The following PAQR3 variants were observed in gnomAD, a reference collection of about 807,000 sequenced individuals.
PAQR3 encodes progestin and adipoQ receptor family member 3.
PAQR3 carries 39 observed loss-of-function variants against 41.7 expected under a neutral mutation model. The observed-to-expected ratio is 0.93, with a 90% CI of 0.72 to 1.22. The LOEUF (loss-of-function observed/expected upper bound fraction) is 1.22, where lower values mean the gene tolerates loss of function less well. PAQR3 is among the 50% of genes most tolerant of loss of function. PAQR3 has a pLI of 0.00. For synonymous variants in PAQR3, 140 were observed against 140.6 expected (o/e 1.00, Z 0.03); for missense variants, 366 against 385.6 (o/e 0.95, Z 0.42).
chr4:78,908,851 A>G (rs892340161), downstream of PAQR3, among the ~76,000 whole-genome samples: 1 of 152,118 alleles, frequency 6.6e-6, no homozygotes, highest in Admixed American at 6.5e-5. Flanking sequence ...TAATAATCAC[A>G]TCAGGGTAAA....
At position 78,919,890 on chromosome 4, in the gene PAQR3, A is replaced by T; in HGVS notation, c.*649T>A. 1 of 985,386 alleles carries T rather than the reference A, an allele frequency of 1.0e-6. No homozygotes were observed. The highest frequency in any genetic ancestry group is 1.2e-6 in the Non-Finnish European group (1 of 829,644). 61.0% of individuals were successfully genotyped at this position (985,386 alleles called of 1,614,324 possible). The stretch of plus-strand genomic sequence containing the variant: ...TGATTCTTATCTGATAGAAAATGAG[A>T]AGTTCTTTTCCTCTTCTCAACCCTT... On this transcript the variant is annotated 3_prime_UTR_variant, in exon 6 of 6. Coordinates refer to ENST00000512733, the MANE Select transcript of PAQR3 (RefSeq NM_001040202.2).
At position 78,916,638 on chromosome 4, in the gene PAQR3, G is replaced by C. The variant is rs1412909991; in HGVS notation, c.*3901C>G. ...GTGAGTCATAATTACTGATACTCGA[G>C]TGATGACAGTAAGGCAAAAACAATA... On this transcript the variant is annotated 3_prime_UTR_variant, in exon 6 of 6. Coordinates refer to ENST00000512733, the MANE Select transcript of PAQR3 (RefSeq NM_001040202.2). 1 of 152,024 alleles carries C rather than the reference G, an allele frequency of 6.6e-6. No individual in the cohort carries two copies. Among genetic ancestry groups the C allele is most frequent in the East Asian group, 1.9e-4 (1 of 5,186 alleles). The allele number at this position is 152,024 out of a possible 1,614,324, so 9.4% of individuals were successfully genotyped here.
At chr4:78,903,671 A>G (rs1463675800) in intron 11 of PAQR3, among the ~76,000 whole-genome samples, 2 of 151,976 alleles carry the variant, frequency 1.3e-5, no homozygotes, top group Non-Finnish European at 2.9e-5. Flanking sequence ...TAGTGTTTCT[A>G]GAACTTAACC....
At position 78,923,868 on chromosome 4, in the gene PAQR3, C is replaced by A; in HGVS notation, c.782G>T (p.Arg261Leu). 1 of 1,610,162 alleles carries A rather than the reference C, an allele frequency of 6.2e-7. No homozygotes were observed. Among genetic ancestry groups the A allele is most frequent in the Non-Finnish European group, 8.5e-7 (1 of 1,176,660 alleles). ...FLFYISKVPE[R>L]YFPGQLNYLG... is the part of the protein sequence containing the mutation. ...AAAGAGATACCTACCTGGAAAGTAC[C>A]GCTCTGGGACTTTGGAAATGTAGAA... The change falls in exon 5 of 6, where the codon CGG (arginine) becomes CTG (leucine). Residue 261 changes from arginine to leucine, a missense_variant. Transcript: ENST00000512733.
Position 78,939,185 on chromosome 4 carries a change from G to C in PAQR3, c.40C>G (p.Leu14Val), listed in dbSNP as rs1737771540. 5.0e-6 allele frequency: 8 copies of C among 1,609,978 alleles called. No individual in the cohort carries two copies. Among genetic ancestry groups the C allele is most frequent in the Non-Finnish European group, 5.9e-6 (7 of 1,178,288 alleles). Residue 14 changes from leucine (L) to valine (V), a missense_variant, in exon 1 of 6, where the codon CTG (leucine) becomes GTG (valine). Coordinates refer to ENST00000512733, the MANE Select transcript of PAQR3 (RefSeq NM_001040202.2). The stretch of plus-strand genomic sequence containing the variant: ...ACCGGCCAGTACTGGTAGCTGCCCA[G>C]CTCGATGTAATGCGCGCTCTTCAGC... ...KLLKSAHYIELGSYQYWPVLV... is the reference protein window; with the variant it reads ...KLLKSAHYIEVGSYQYWPVLV...
downstream of PAQR3, among the ~76,000 whole-genome samples, chr4:78,907,163 T>A (rs1040569113): frequency 1.3e-5 from 2 of 152,162 alleles, no homozygotes; most frequent in African/African-American, 4.8e-5. Context: ...GAATAAATAA[T>A]AGACTGTTGA....
chr4:78,923,245 G>T (rs566993139), intron 5 of PAQR3, among the ~76,000 whole-genome samples: 185 of 152,104 alleles, frequency 1.2e-3, no homozygotes, highest in Non-Finnish European at 1.5e-3. Context: ...GAAGCCTAAA[G>T]CCAGCTTTGT....
intron 5 of PAQR3, chr4:78,923,113 A>G (rs879470513): frequency 2.9e-6 from 1 of 346,062 alleles, no homozygotes; most frequent in South Asian, 2.1e-5. Flanking sequence ...ACCATTATCT[A>G]TTTTATAGAC....
chr4:78,911,811 G>C, downstream of PAQR3: 1 of 1,613,970 alleles, frequency 6.2e-7, no homozygotes, highest in Non-Finnish European at 8.5e-7. Context: ...ATCAGGGCCT[G>C]AGCGACATCC....
rs1734823641 is a variant in PAQR3 at position 78,913,889 on chromosome 4, T to TA, written c.*6649dup. On this transcript the variant is annotated 3_prime_UTR_variant, in exon 6 of 6. Transcript: ENST00000512733. ...TACTTGTCCTCGTGCCAAAGGCAAA[T>TA]ATGTTTGCACCTTTTTTTTTTTTTC... The TA allele has an allele frequency of 6.6e-6, 1 of 151,910 alleles. No individual in the cohort carries two copies. The highest frequency in any genetic ancestry group is 2.1e-4 in the South Asian group (1 of 4,810). The allele number at this position is 151,910 out of a possible 1,614,324, so 9.4% of individuals were successfully genotyped here.
intron 5 of PAQR3, 150 bp from the exon 6 acceptor site, chr4:78,920,831 ATGGATCAATTCATATT>A (rs1560571171): frequency 1.5e-5 from 12 of 774,908 alleles, no homozygotes; most frequent in East Asian, 6.1e-5. Context: ...GTTTTTAGAA[ATGGATCAATTCATATT>A]TGGGTCTAAT....
rs149183352 is a variant in PAQR3 at position 78,938,610 on chromosome 4, C to T, written c.185+430G>A. 9.2e-5 allele frequency among the ~76,000 whole-genome samples: 14 copies of T among 152,170 alleles called. No individual in the cohort carries two copies. The East Asian group carries it at 2.7e-3, about 29-fold the overall frequency. On this transcript the variant is annotated intron_variant, in intron 1 of 5. Transcript: ENST00000512733. Reference sequence around the variant, plus strand: ...AAGTATTTGCCAAATGAATAAATCTCGGGTGTATATGTTAACTTGTTTCCT... The same window carrying T: ...AAGTATTTGCCAAATGAATAAATCTTGGGTGTATATGTTAACTTGTTTCCT...
chr4:78,892,125 G>A lies in PAQR3; in HGVS notation c.*837-3977C>T, dbSNP rs112681965. Among the ~76,000 whole-genome samples the A allele has an allele frequency of 1.8e-4, 27 of 152,254 alleles. 1 individual carries two copies. Among genetic ancestry groups the A allele is most frequent in the African/African-American group, 6.0e-4 (25 of 41,556 alleles). On this transcript the variant is annotated intron_variant and NMD_transcript_variant, in intron 11 of 12. Coordinates refer to the PAQR3 transcript ENST00000342820. ...GGTCTCGTAAAATGAGTTGGGAAAT[G>A]TTACTTGTACTTTCTGTAAGAGTTA...
chr4:78,927,507 C>T (rs1294618355), intron 3 of PAQR3, among the ~76,000 whole-genome samples: 1 of 152,170 alleles, frequency 6.6e-6, no homozygotes, highest in African/African-American at 2.4e-5. Context: ...GATGTGAGCA[C>T]CAGATTTAGG....
chr4:78,921,504 A>C (rs1054010146), intron 5 of PAQR3: 1 of 195,588 alleles, frequency 5.1e-6, no homozygotes, highest in East Asian at 1.9e-4. Flanking sequence ...TTTTTGTACC[A>C]TGGACGCCTC....
Position 78,912,096 on chromosome 4 carries a change from T to C in PAQR3, c.*8443A>G. ...AAAAAAGTGTGAACAGTTTTATGAA[T>C]TTGAAAGAAAATTTGGTAGCTCTTT... On this transcript the variant is annotated 3_prime_UTR_variant, in exon 6 of 6. Coordinates refer to ENST00000512733, the MANE Select transcript of PAQR3 (RefSeq NM_001040202.2). The C allele has an allele frequency of 6.9e-7, 1 of 1,452,520 alleles. No individual in the cohort carries two copies. The highest frequency in any genetic ancestry group is 9.3e-7 in the Non-Finnish European group (1 of 1,070,562). The allele number at this position is 1,452,520 out of a possible 1,614,324, so 90.0% of individuals were successfully genotyped here. A position where few individuals can be genotyped will look rare whatever the true frequency, so the allele number is the denominator to read the frequency against.
intron 11 of PAQR3, chr4:78,898,739 CTT>C (rs902511359): frequency 1.3e-5 from 2 of 150,614 alleles, no homozygotes; most frequent in African/African-American, 4.9e-5. Flanking sequence ...TGAGAAATAA[CTT>C]TATATGTATT....
At chr4:78,930,905 T>C (rs62308009) in intron 2 of PAQR3, among the ~76,000 whole-genome samples, 11,240 of 141,098 alleles carry the variant, frequency 0.08, 528 homozygotes, top group East Asian at 0.23. Flanking sequence ...TATATATATA[T>C]ACACACACAT....
chr4:78,887,671 A>G (rs947086330), intron 12 of PAQR3, among the ~76,000 whole-genome samples: 2 of 152,150 alleles, frequency 1.3e-5, no homozygotes, highest in Admixed American at 6.5e-5. Context: ...ATTTGTCACA[A>G]TCACTTTGTT....
Sources: gnomAD v4.1 joint callset for allele counts (sites outside exome capture counted in the v4.1 genomes callset) on GRCh38, gnomAD v4.1.1 for gene constraint, MANE v1.5 for transcripts, NCBI Gene and HGNC (gene_info 2026-07-23, HGNC 2026-07-21) for gene names.